Variants in CADM2 observed in about 807,000 individuals in gnomAD.
CADM2 encodes immunoglobulin superfamily member 4D.
A neutral mutation model predicts 49.8 loss-of-function variants in CADM2; 12 were observed. That is an observed-to-expected ratio of 0.24 (90% CI 0.15 to 0.39). The LOEUF (loss-of-function observed/expected upper bound fraction) is 0.39. CADM2 is among the 10% of genes least tolerant of loss of function. The probability of loss-of-function intolerance (pLI) is 1.00; values close to 1 mark genes in which losing one functional copy is unlikely to be tolerated. For synonymous variants in CADM2, 214 were observed against 175.4 expected (o/e 1.22, Z -1.74); for missense variants, 378 against 492.3 (o/e 0.77, Z 2.20).
intron 3 of CADM2, among the ~76,000 whole-genome samples, chr3:85,814,253 T>C (rs2073068973): frequency 6.6e-6 from 1 of 152,190 alleles, no homozygotes. Context: ...GAAGAGGTCC[T>C]TCATATACCT....
At chr3:85,659,194 A>G (rs2065318981) in intron 1 of CADM2, among the ~76,000 whole-genome samples, 1 of 151,846 alleles carries the variant, frequency 6.6e-6, no homozygotes. Flanking sequence ...TCATGGGAAT[A>G]TAATTGACAG....
chr3:85,994,260 GC>G (rs763845861), intron 8 of CADM2: 8 of 152,114 alleles, frequency 5.3e-5, no homozygotes, highest in Non-Finnish European at 8.8e-5. Flanking sequence ...ATTTTCTTAA[GC>G]CTTATGAACC....
At chr3:85,250,410 G>A (rs2042747654) in intron 1 of CADM2, among the ~76,000 whole-genome samples, 1 of 151,048 alleles carries the variant, frequency 6.6e-6, no homozygotes, top group South Asian at 2.1e-4. Context: ...AAGAAAACAA[G>A]GAAATATTTT....
chr3:85,074,567 T>C (rs1230350614), intron 1 of CADM2, among the ~76,000 whole-genome samples: 1 of 152,178 alleles, frequency 6.6e-6, no homozygotes, highest in Non-Finnish European at 1.5e-5. Flanking sequence ...TCCTGGCACA[T>C]AATTTGTGTT....
intron 1 of CADM2, among the ~76,000 whole-genome samples, chr3:85,213,696 T>C (rs2041857163): frequency 6.6e-6 from 1 of 152,194 alleles, no homozygotes; most frequent in African/African-American, 2.4e-5. Flanking sequence ...TTAAGGCTAG[T>C]AACTCTTAGA....
chr3:85,323,869 A>T (rs1476508781), intron 1 of CADM2, among the ~76,000 whole-genome samples: 1 of 152,216 alleles, frequency 6.6e-6, no homozygotes, highest in African/African-American at 2.4e-5. Context: ...TGATTAAGCC[A>T]GTCTTCAATT....
intron 1 of CADM2, among the ~76,000 whole-genome samples, chr3:85,365,199 C>CTTTTTTT (rs397962829): frequency 3.2e-4 from 34 of 104,644 alleles, no homozygotes; most frequent in East Asian, 6.0e-4. Flanking sequence ...TTTTTTTTTA[C>CTTTTTTT]TTTTTTTTTT....
At chr3:85,912,318 C>A in intron 5 of CADM2, 55 bp from the exon 6 acceptor site, 2 of 1,311,062 alleles carry the variant, frequency 1.5e-6, no homozygotes, top group African/African-American at 1.5e-5. Flanking sequence ...TGAGTAAATG[C>A]AATCTGTTTT....
At position 84,962,679 on chromosome 3, in the gene CADM2, A is replaced by G. The variant is rs77711509; in HGVS notation, c.61+3011A>G. Among the ~76,000 whole-genome samples the G allele has an allele frequency of 3.0e-3, 450 of 152,322 alleles. 1 individual carries two copies. Among genetic ancestry groups the G allele is most frequent in the African/African-American group, 0.01 (431 of 41,564 alleles). ...TAGTAGTTATGACTAGGCAAATACT[A>G]TAGTCAGTCATTAGCTTCTTTTTTT... On this transcript the variant is annotated intron_variant, in intron 1 of 9. Transcript: ENST00000383699.
intron 1 of CADM2, among the ~76,000 whole-genome samples, chr3:85,071,978 A>C (rs969583074): frequency 6.6e-6 from 1 of 150,612 alleles, no homozygotes; most frequent in Non-Finnish European, 1.5e-5. Context: ...TAATACAAAT[A>C]TATATATATG....
intron 1 of CADM2, among the ~76,000 whole-genome samples, chr3:85,543,420 A>ATGTGTGTGGGGGGGTGTGTG (rs372108050): frequency 6.4e-4 from 83 of 129,642 alleles, no homozygotes; most frequent in Middle Eastern, 8.5e-3. Flanking sequence ...TGCCAAGCTA[A>ATGTGTGTGGGGGGGTGTGTG]TGTGTGTGTG....
chr3:85,335,102 T>C (rs977776543), intron 1 of CADM2, among the ~76,000 whole-genome samples: 2 of 151,448 alleles, frequency 1.3e-5, no homozygotes, highest in African/African-American at 4.8e-5. Context: ...ACATGTTCGG[T>C]CTTCATGAGA....
At chr3:85,949,936 A>G (rs1723243214) in intron 7 of CADM2, among the ~76,000 whole-genome samples, 2 of 151,280 alleles carry the variant, frequency 1.3e-5, no homozygotes, top group South Asian at 4.1e-4. Context: ...CTGATTGATT[A>G]GGATGCTTAT....
At chr3:85,784,065 ATC>A (rs1438343895) in intron 2 of CADM2, among the ~76,000 whole-genome samples, 1 of 151,714 alleles carries the variant, frequency 6.6e-6, no homozygotes, top group African/African-American at 2.4e-5. Context: ...CATGCACGCT[ATC>A]TCACACACAC....
chr3:85,960,762 T>G (rs1390626505), intron 7 of CADM2, among the ~76,000 whole-genome samples: 1 of 151,752 alleles, frequency 6.6e-6, no homozygotes, highest in Non-Finnish European at 1.5e-5. Context: ...GCAGGAATTT[T>G]GTTAAAAGAA....
intron 1 of CADM2, among the ~76,000 whole-genome samples, chr3:85,253,384 G>A (rs991806803): frequency 3.9e-5 from 6 of 152,000 alleles, no homozygotes; most frequent in Admixed American, 3.3e-4. Flanking sequence ...CTATAGCTTA[G>A]TTTCTTGATG....
chr3:85,691,243 C>A (rs1365380301), intron 1 of CADM2, among the ~76,000 whole-genome samples: 1 of 152,132 alleles, frequency 6.6e-6, no homozygotes, highest in African/African-American at 2.4e-5. Context: ...CATGTTGCTG[C>A]AAATGAAAGG....
chr3:85,665,091 G>C (rs1436211836), intron 1 of CADM2, among the ~76,000 whole-genome samples: 1 of 151,902 alleles, frequency 6.6e-6, no homozygotes, highest in Non-Finnish European at 1.5e-5. Flanking sequence ...AAGTGCATTA[G>C]GAGCTGTTAT....
At chr3:85,019,717 C>T (rs190525156) in intron 1 of CADM2, among the ~76,000 whole-genome samples, 274 of 152,250 alleles carry the variant, frequency 1.8e-3, no homozygotes, top group African/African-American at 6.2e-3. Flanking sequence ...AGGAAATAAG[C>T]AGTATAGAAG....
Sources: gnomAD v4.1 joint callset for allele counts (sites outside exome capture counted in the v4.1 genomes callset) on GRCh38, gnomAD v4.1.1 for gene constraint, MANE v1.5 for transcripts, NCBI Gene and HGNC (gene_info 2026-07-23, HGNC 2026-07-21) for gene names.